IL1RAP: variants seen among roughly 807,000 people sequenced by gnomAD.
IL1RAP encodes interleukin-1 receptor accessory protein.
Under a neutral mutation model 60.7 loss-of-function variants are expected in IL1RAP, and 35 were observed. The observed-to-expected ratio is 0.58, with a 90% CI of 0.44 to 0.76. The LOEUF (loss-of-function observed/expected upper bound fraction) is 0.76. Among genes scored for constraint, IL1RAP ranks in the 30% least tolerant of loss-of-function variants. The pLI, the probability that IL1RAP is intolerant of heterozygous loss-of-function variation, is 0.00. For missense variants in IL1RAP, 572 were observed against 693.9 expected, an observed-to-expected ratio of 0.82 and a Z score of 1.97; for synonymous variants, 268 against 250.9, an observed-to-expected ratio of 1.07 and a Z score of -0.64.
chr3:190,628,186 A>T (rs1160806579), intron 8 of IL1RAP, among the ~76,000 whole-genome samples: 1 of 152,186 alleles, frequency 6.6e-6, no homozygotes, highest in Non-Finnish European at 1.5e-5. Flanking sequence ...TCCACTGCAA[A>T]TGAAGCATAC....
chr3:190,559,826 CTTA>C (rs1725732762), intron 2 of IL1RAP, among the ~76,000 whole-genome samples: 1 of 152,060 alleles, frequency 6.6e-6, no homozygotes, highest in Admixed American at 6.6e-5. Context: ...AAAAGAATGC[CTTA>C]TTTTTTACTT....
intron 3 of IL1RAP, among the ~76,000 whole-genome samples, chr3:190,586,023 T>C (rs1489543010): frequency 6.6e-6 from 1 of 152,072 alleles, no homozygotes; most frequent in Non-Finnish European, 1.5e-5. Context: ...CACATCAGCC[T>C]GGACTCCTCC....
In IL1RAP at chr3:190,650,322, A is replaced by T. The variant is rs143621637; in HGVS notation, c.*1617A>T. 53 of 985,284 alleles carry T rather than the reference A, an allele frequency of 5.4e-5. No individual in the cohort carries two copies. In the African/African-American group the frequency reaches 8.5e-4, roughly 16 times the overall value. 61.0% of individuals were successfully genotyped at this position (985,284 alleles called of 1,614,324 possible). A position where few individuals can be genotyped will look rare whatever the true frequency, so the allele number is the denominator to read the frequency against. ...TACAGTTTATCTAGGTTGCAGTGGC[A>T]TCTGCTGTGCACAGAGCTTCCATGG... On this transcript the variant is annotated 3_prime_UTR_variant, in exon 12 of 12. Coordinates refer to ENST00000447382, the MANE Select transcript of IL1RAP (RefSeq NM_002182.4).
chr3:190,522,342 C>T (rs964649473), intron 1 of IL1RAP, among the ~76,000 whole-genome samples: 6 of 146,088 alleles, frequency 4.1e-5, no homozygotes, highest in African/African-American at 1.3e-4. Context: ...TCCTTCCTTC[C>T]TCCCTCCCTC....
At chr3:190,645,292 A>G (rs1733936460) in intron 10 of IL1RAP, among the ~76,000 whole-genome samples, 1 of 152,226 alleles carries the variant, frequency 6.6e-6, no homozygotes, top group South Asian at 2.1e-4. Context: ...AGTTCTTTTC[A>G]GATATAAATA....
chr3:190,610,259 T>C (rs1730704563), intron 5 of IL1RAP, among the ~76,000 whole-genome samples: 1 of 152,174 alleles, frequency 6.6e-6, no homozygotes, highest in African/African-American at 2.4e-5. Context: ...AGAAAATCCT[T>C]TTCTATTTTA....
intron 9 of IL1RAP, 112 bp from the exon 10 acceptor site, chr3:190,644,136 C>T: frequency 6.8e-7 from 1 of 1,462,956 alleles, no homozygotes; most frequent in Non-Finnish European, 9.0e-7. Context: ...ATTGTTCATA[C>T]ATAGGCAGGT....
chr3:190,604,292 C>A lies in IL1RAP; in HGVS notation c.229C>A (p.Arg77=). 2 of 1,613,876 alleles carry A rather than the reference C, an allele frequency of 1.2e-6. No homozygotes were observed. The part of the protein sequence containing the change: ...TLIWYWTRQD[R]DLEEPINFRL... ...GATCTGGTATTGGACTAGGCAGGAC[C>A]GGGACCTTGAGGAGCCAATTAACTT... Residue 77 remains arginine (R), a synonymous_variant, in exon 4 of 12, where the codon CGG becomes AGG. Transcript: ENST00000447382.
intron 8 of IL1RAP, 21 bp downstream of exon 8, chr3:190,627,470 G>A (rs1404363018): frequency 6.2e-7 from 1 of 1,603,848 alleles, no homozygotes; most frequent in Non-Finnish European, 8.5e-7. Flanking sequence ...GGCCAGCAAG[G>A]GAGTGATTAA....
chr3:190,584,463 T>A (rs1399455425), intron 3 of IL1RAP, among the ~76,000 whole-genome samples: 23 of 152,232 alleles, frequency 1.5e-4, no homozygotes, highest in Admixed American at 1.5e-3. Flanking sequence ...GTAGCTATAC[T>A]CAATTCTGTA....
At chr3:190,626,161 G>A (rs1732244961) in intron 7 of IL1RAP, among the ~76,000 whole-genome samples, 1 of 152,124 alleles carries the variant, frequency 6.6e-6, no homozygotes, top group Non-Finnish European at 1.5e-5. Flanking sequence ...GGTCAGTCTA[G>A]GTCAAATCCT....
At chr3:190,547,474 G>A (rs980967027) in intron 1 of IL1RAP, among the ~76,000 whole-genome samples, 4 of 152,060 alleles carry the variant, frequency 2.6e-5, no homozygotes, top group Non-Finnish European at 4.4e-5. Flanking sequence ...GTTCATAAGG[G>A]GATTTTCTTT....
At chr3:190,611,927 CA>C (rs2108771450) in intron 5 of IL1RAP, among the ~76,000 whole-genome samples, 1 of 151,972 alleles carries the variant, frequency 6.6e-6, no homozygotes, top group South Asian at 2.1e-4. Context: ...GGATCTTTTT[CA>C]TTTGAAAAAA....
chr3:190,566,008 C>G (rs1726358588), intron 3 of IL1RAP, among the ~76,000 whole-genome samples: 1 of 151,638 alleles, frequency 6.6e-6, no homozygotes, highest in Non-Finnish European at 1.5e-5. Flanking sequence ...CCTCCTTTTC[C>G]TTCCTTTTTT....
intron 3 of IL1RAP, among the ~76,000 whole-genome samples, chr3:190,588,095 A>C (rs1728618923): frequency 6.6e-6 from 1 of 152,140 alleles, no homozygotes; most frequent in Non-Finnish European, 1.5e-5. Context: ...CGGAGATAAA[A>C]AGGTCTCTTA....
At chr3:190,624,208 G>C (rs1286291422) in intron 7 of IL1RAP, among the ~76,000 whole-genome samples, 1 of 152,208 alleles carries the variant, frequency 6.6e-6, no homozygotes, top group African/African-American at 2.4e-5. Flanking sequence ...TACCCAGAAA[G>C]CATAGGAACA....
chr3:190,563,141 A>G (rs2108624637), intron 2 of IL1RAP, among the ~76,000 whole-genome samples: 1 of 152,272 alleles, frequency 6.6e-6, no homozygotes, highest in Middle Eastern at 3.4e-3. Context: ...ATTTTAAATG[A>G]TGTTATATGG....
At chr3:190,546,294 A>T (rs1724367232) in intron 1 of IL1RAP, among the ~76,000 whole-genome samples, 2 of 152,174 alleles carry the variant, frequency 1.3e-5, no homozygotes, top group African/African-American at 4.8e-5. Context: ...TTTCTCCCTT[A>T]TGCGTGGCTG....
At chr3:190,529,829 G>C (rs1416514533) in intron 1 of IL1RAP, among the ~76,000 whole-genome samples, 1 of 148,294 alleles carries the variant, frequency 6.7e-6, no homozygotes, top group African/African-American at 2.5e-5. Flanking sequence ...CTGCACTCCA[G>C]AGTGGGCAAC....
Sources: gnomAD v4.1 joint callset for allele counts (sites outside exome capture counted in the v4.1 genomes callset) on GRCh38, gnomAD v4.1.1 for gene constraint, MANE v1.5 for transcripts, NCBI Gene and HGNC (gene_info 2026-07-23, HGNC 2026-07-21) for gene names.